The following AGPAT4 variants were observed in gnomAD, a reference collection of about 807,000 sequenced individuals.
The protein encoded by AGPAT4 is 1-acyl-sn-glycerol-3-phosphate acyltransferase delta.
Under a neutral mutation model 48.0 loss-of-function variants are expected in AGPAT4, and 15 were observed. The ratio of observed to expected loss-of-function variants is 0.31; its 90% confidence interval spans 0.21 to 0.48. AGPAT4 has a LOEUF of 0.48. Ranked by LOEUF, AGPAT4 falls within the 20% of genes least tolerant of loss-of-function variation. AGPAT4 has a pLI of 0.99. For synonymous variants in AGPAT4, 178 were observed against 198.7 expected (o/e 0.90, Z 0.88); for missense variants, 314 against 482.5 (o/e 0.65, Z 3.27).
In AGPAT4 at chr6:161,255,555, A is replaced by G. The variant is rs890787290; in HGVS notation, c.-90+18383T>C. On this transcript the variant is annotated intron_variant, in intron 1 of 8. Transcript: ENST00000320285. The surrounding 1 kb of genome is among the most constrained non-coding windows in gnomAD (Gnocchi z 4.7). Reference sequence around the variant, plus strand: ...CTCCAGCCACAAGAAAGAATAAATTAATTACTGATACATGCTACAACATGA... The same window carrying G: ...CTCCAGCCACAAGAAAGAATAAATTGATTACTGATACATGCTACAACATGA... Among the ~76,000 whole-genome samples, 17 of 152,246 alleles carry G rather than the reference A, an allele frequency of 1.1e-4. No individual in the cohort carries two copies. Among genetic ancestry groups the G allele is most frequent in the African/African-American group, 4.1e-4 (17 of 41,460 alleles).
At position 161,248,301 on chromosome 6, in the gene AGPAT4, G is replaced by A. The variant is rs186734196; in HGVS notation, c.-89-15999C>T. On this transcript the variant is annotated intron_variant, in intron 1 of 8. Transcript: ENST00000320285. Reference sequence around the variant, plus strand: ...AAAAAGAATAAAATACTGGCTGGGCGCGGTGGCTCACGCCTGTAATCCCAG... The same window carrying A: ...AAAAAGAATAAAATACTGGCTGGGCACGGTGGCTCACGCCTGTAATCCCAG... Among the ~76,000 whole-genome samples the A allele has an allele frequency of 1.2e-4, 18 of 152,200 alleles. No homozygotes were observed. In the East Asian group the frequency reaches 1.7e-3, roughly 15 times the overall value.
intron 2 of AGPAT4, among the ~76,000 whole-genome samples, chr6:161,194,007 C>A (rs1257819351): frequency 6.6e-6 from 1 of 152,216 alleles, no homozygotes. Flanking sequence ...AGGTTACACG[C>A]AATCACTGTC....
At position 161,155,758 on chromosome 6, in the gene AGPAT4, T is replaced by C. The variant is rs3798920; in HGVS notation, c.349-1448A>G. On this transcript the variant is annotated intron_variant, in intron 3 of 8. Transcript: ENST00000320285. The surrounding 1 kb of genome is among the most constrained non-coding windows in gnomAD (Gnocchi z 5.8). Reference sequence around the variant, plus strand: ...CATCCCCGTGGGTGGGTGAACCCACTGGTGCGGGTGTGAGGGCTTACCGTG... The same window carrying C: ...CATCCCCGTGGGTGGGTGAACCCACCGGTGCGGGTGTGAGGGCTTACCGTG... Among the ~76,000 whole-genome samples, 11,693 of 152,316 alleles carry C rather than the reference T, an allele frequency of 0.077. 505 individuals are homozygous for C. Among genetic ancestry groups the C allele is most frequent in the Middle Eastern group, 0.15 (44 of 294 alleles).
At chr6:161,156,557 G>A (rs1779774312) in intron 3 of AGPAT4, among the ~76,000 whole-genome samples, 1 of 152,178 alleles carries the variant, frequency 6.6e-6, no homozygotes, top group African/African-American at 2.4e-5. Context: ...TAAAAGATCT[G>A]GAACAAAGGT....
rs1277591198 is a variant in AGPAT4 at position 161,218,142 on chromosome 6, G to A, written c.178+13894C>T. 6.6e-6 allele frequency among the ~76,000 whole-genome samples: 1 copy of A among 152,200 alleles called. No individual in the cohort carries two copies. Among genetic ancestry groups the A allele is most frequent in the Non-Finnish European group, 1.5e-5 (1 of 68,028 alleles). On this transcript the variant is annotated intron_variant, in intron 2 of 8. Transcript: ENST00000320285. This position sits in a 1 kb window ranked among gnomAD's most constrained non-coding sequence, Gnocchi z 4.7. ...TGGGGTGGACATACAACCTGCACAA[G>A]ATGACTGTAGCTCTCTACCCCCGTC...
chr6:161,149,293 TA>T lies in AGPAT4; in HGVS notation c.665-5del. 1.2e-6 allele frequency: 2 copies of T among 1,606,128 alleles called. No homozygotes were observed. Among genetic ancestry groups the T allele is most frequent in the Non-Finnish European group, 1.7e-6 (2 of 1,178,738 alleles). Reference sequence around the variant, plus strand: ...GTACAGTCATATACAGCTGAAACTATAAAAAATAAAACAAATACAAAGCAGT... The same window carrying T: ...GTACAGTCATATACAGCTGAAACTATAAAAATAAAACAAATACAAAGCAGT... On this transcript the variant is annotated splice_region_variant and splice_polypyrimidine_tract_variant and intron_variant, in intron 5 of 8. Transcript: ENST00000320285. The surrounding 1 kb of genome is among the most constrained non-coding windows in gnomAD (Gnocchi z 6.5).
In AGPAT4 at chr6:161,202,278, G is replaced by C. The variant is rs1157232993; in HGVS notation, c.178+29758C>G. On this transcript the variant is annotated intron_variant, in intron 2 of 8. Transcript: ENST00000320285. This position sits in a 1 kb window ranked among gnomAD's most constrained non-coding sequence, Gnocchi z 5.4. ...AAGATGTCAGCTGGGGCTTGCCTGAGGCTGGCAAGGTGGTGCTGGCTATTG... is the reference window on the plus strand; with the variant it reads ...AAGATGTCAGCTGGGGCTTGCCTGACGCTGGCAAGGTGGTGCTGGCTATTG... 6.6e-6 allele frequency among the ~76,000 whole-genome samples: 1 copy of C among 152,120 alleles called. No homozygotes were observed. Among genetic ancestry groups the C allele is most frequent in the Non-Finnish European group, 1.5e-5 (1 of 68,034 alleles).
In AGPAT4 at chr6:161,243,527, A is replaced by C. The variant is rs1399819922; in HGVS notation, c.-89-11225T>G. Among the ~76,000 whole-genome samples, 1 of 152,176 alleles carries C rather than the reference A, an allele frequency of 6.6e-6. No homozygotes were observed. The highest frequency in any genetic ancestry group is 1.5e-5 in the Non-Finnish European group (1 of 68,036). The stretch of plus-strand genomic sequence containing the variant: ...GAGAGGCGCTGTTTCCTAGCTGTGC[A>C]ATCTTGGGTCAGTAGCTTATGCTCT... On this transcript the variant is annotated intron_variant, in intron 1 of 8. Transcript: ENST00000320285. The surrounding 1 kb of genome is among the most constrained non-coding windows in gnomAD (Gnocchi z 4.8).
In AGPAT4 at chr6:161,136,603, C is replaced by T. The variant is rs1456145181; in HGVS notation, c.1074G>A (p.Val358=). The T allele has an allele frequency of 6.2e-7, 1 of 1,614,222 alleles. No homozygotes were observed. The highest frequency in any genetic ancestry group is 2.2e-5 in the East Asian group (1 of 44,870). ...AGGCAGAGCCCTTGTCAATTTCCGT[C>T]ACACCAATCATCCATCGAACTCCCA... ...ASVGVRWMIG[V]TEIDKGSAYG... The change falls in exon 9 of 9, where the codon GTG becomes GTA. Residue 358 remains valine (V), a synonymous_variant. Coordinates refer to ENST00000320285, the MANE Select transcript of AGPAT4 (RefSeq NM_020133.3).
rs1043162312 is a variant in AGPAT4, at chr6:161,139,023, C to A, written c.1042+399G>T. 2.6e-5 allele frequency among the ~76,000 whole-genome samples: 4 copies of A among 152,228 alleles called. No homozygotes were observed. In the South Asian group the frequency reaches 8.3e-4, roughly 32 times the overall value. On this transcript the variant is annotated intron_variant, in intron 8 of 8. Transcript: ENST00000320285. This position sits in a 1 kb window ranked among gnomAD's most constrained non-coding sequence, Gnocchi z 9.1. ...AGCCACAGGCGCCCCCAGAGGAAGG[C>A]AGGGAGCTGCCCATCCGTCCCCGCC...
chr6:161,247,740 T>C (rs1209707893), intron 1 of AGPAT4, among the ~76,000 whole-genome samples: 2 of 152,162 alleles, frequency 1.3e-5, no homozygotes, highest in Admixed American at 1.3e-4. Flanking sequence ...TCACAGATTT[T>C]GGGAGGCTGA....
In AGPAT4 at chr6:161,154,612, C is replaced by T. The variant is rs1318534580; in HGVS notation, c.349-302G>A. Among the ~76,000 whole-genome samples the T allele has an allele frequency of 1.3e-5, 2 of 152,298 alleles. No individual in the cohort carries two copies. Among genetic ancestry groups the T allele is most frequent in the South Asian group, 4.1e-4 (2 of 4,824 alleles). Reference sequence around the variant, plus strand: ...CAGTCACAGGTATTCAGGGTCCTGACGATGCTCCCACCACCATCCAAACGG... The same window carrying T: ...CAGTCACAGGTATTCAGGGTCCTGATGATGCTCCCACCACCATCCAAACGG... On this transcript the variant is annotated intron_variant, in intron 3 of 8. Transcript: ENST00000320285. The surrounding 1 kb of genome is among the most constrained non-coding windows in gnomAD (Gnocchi z 7.8).
rs1314603501 is a variant in AGPAT4 at position 161,154,593 on chromosome 6, C to G, written c.349-283G>C. Among the ~76,000 whole-genome samples the G allele has an allele frequency of 1.3e-5, 2 of 152,174 alleles. No homozygotes were observed. Among genetic ancestry groups the G allele is most frequent in the African/African-American group, 4.8e-5 (2 of 41,438 alleles). ...TCAAGAAGGCAGCAGCGAGCAGTCA[C>G]AGGTATTCAGGGTCCTGACGATGCT... On this transcript the variant is annotated intron_variant, in intron 3 of 8. Transcript: ENST00000320285. This position sits in a 1 kb window ranked among gnomAD's most constrained non-coding sequence, Gnocchi z 7.8.
chr6:161,133,462 T>C lies in AGPAT4; in HGVS notation c.*3078A>G, dbSNP rs546877461. ...TTGGTTTTCTCTCTGTCAAAGTCAATAGGGTGGTAGACTAACTCACAGAGT... is the reference window on the plus strand; with the variant it reads ...TTGGTTTTCTCTCTGTCAAAGTCAACAGGGTGGTAGACTAACTCACAGAGT... On this transcript the variant is annotated 3_prime_UTR_variant, in exon 9 of 9. Transcript: ENST00000320285. 3 of 152,340 alleles carry C rather than the reference T, an allele frequency of 2.0e-5. No individual in the cohort carries two copies. Among genetic ancestry groups the C allele is most frequent in the Admixed American group, 1.3e-4 (2 of 15,312 alleles). 9.4% of individuals were successfully genotyped at this position (152,340 alleles called of 1,614,324 possible). A position where few individuals can be genotyped will look rare whatever the true frequency, so the allele number is the denominator to read the frequency against.
chr6:161,247,880 G>C (rs1411014573), intron 1 of AGPAT4, among the ~76,000 whole-genome samples: 1 of 151,190 alleles, frequency 6.6e-6, no homozygotes. Context: ...TACTCAGAAG[G>C]CTGAGGCAGG....
chr6:161,189,733 G>T lies in AGPAT4; in HGVS notation c.179-23316C>A, dbSNP rs1206265106. Among the ~76,000 whole-genome samples, 1 of 151,954 alleles carries T rather than the reference G, an allele frequency of 6.6e-6. No homozygotes were observed. Among genetic ancestry groups the T allele is most frequent in the African/African-American group, 2.4e-5 (1 of 41,372 alleles). On this transcript the variant is annotated intron_variant, in intron 2 of 8. Coordinates refer to ENST00000320285, the MANE Select transcript of AGPAT4 (RefSeq NM_020133.3). The surrounding 1 kb of genome is among the most constrained non-coding windows in gnomAD (Gnocchi z 5.3). ...TCCACCTGCCCCTTCCTCACCCACC[G>T]CCCTCCTAACCCCTCTCTCCTCCAC...
In AGPAT4 at chr6:161,255,147, T is replaced by C. The variant is rs1782913196; in HGVS notation, c.-90+18791A>G. On this transcript the variant is annotated intron_variant, in intron 1 of 8. Coordinates refer to ENST00000320285, the MANE Select transcript of AGPAT4 (RefSeq NM_020133.3). The surrounding 1 kb of genome is among the most constrained non-coding windows in gnomAD (Gnocchi z 4.7). ...TGCTCCCAGCTACTTCATCTTTCCC[T>C]GTAATACCTCACACATCCAGTTCTC... 6.6e-6 allele frequency among the ~76,000 whole-genome samples: 1 copy of C among 152,230 alleles called. No individual in the cohort carries two copies. The highest frequency in any genetic ancestry group is 2.4e-5 in the African/African-American group (1 of 41,462).
At chr6:161,253,517 G>A (rs978365215) in intron 1 of AGPAT4, among the ~76,000 whole-genome samples, 11 of 151,796 alleles carry the variant, frequency 7.2e-5, no homozygotes, top group Non-Finnish European at 1.5e-4. Context: ...GCCTCCCAAA[G>A]TGCTGGGATT....
chr6:161,165,577 C>T lies in AGPAT4; in HGVS notation c.348+671G>A. On this transcript the variant is annotated intron_variant, in intron 3 of 8. Transcript: ENST00000320285. The surrounding 1 kb of genome is among the most constrained non-coding windows in gnomAD (Gnocchi z 5.5). Reference sequence around the variant, plus strand: ...GTACACTGTGATTCCTACGGAATACCTGAGTACCGCAGATGACTCTGATTC... The same window carrying T: ...GTACACTGTGATTCCTACGGAATACTTGAGTACCGCAGATGACTCTGATTC... The T allele has an allele frequency of 7.7e-7, 1 of 1,295,042 alleles. No individual in the cohort carries two copies. The highest frequency in any genetic ancestry group is 1.0e-6 in the Non-Finnish European group (1 of 985,988). 80.2% of individuals were successfully genotyped at this position (1,295,042 alleles called of 1,614,324 possible). A position where few individuals can be genotyped will look rare whatever the true frequency, so the allele number is the denominator to read the frequency against.
Sources: allele counts gnomAD v4.1 joint callset (sites outside exome capture counted in the v4.1 genomes callset), GRCh38; gene constraint gnomAD v4.1.1; non-coding constraint Gnocchi (gnomAD v3.1); transcripts MANE v1.5; gene names NCBI Gene and HGNC (gene_info 2026-07-23, HGNC 2026-07-21).